The following ADSS1 variants were observed in gnomAD, a reference collection of about 807,000 sequenced individuals.
ADSS1 encodes the protein adenylosuccinate synthase 1, also known as adenylosuccinate synthetase isozyme 1.
Under a neutral mutation model 59.1 loss-of-function variants are expected in ADSS1, and 57 were observed. That is an observed-to-expected ratio of 0.97 (90% CI 0.78 to 1.20). The LOEUF is 1.20. Ranked by LOEUF, ADSS1 falls within the 50% of genes most tolerant of loss-of-function variation. The pLI is 0.00. For missense variants in ADSS1, 603 were observed against 610.3 expected (o/e 0.99, Z 0.13); for synonymous variants, 247 against 249.4 (o/e 0.99, Z 0.09).
chr14:104,746,410 C>A (rs763290606), intron 12 of ADSS1, 25 bp downstream of exon 12: 10 of 1,603,124 alleles, frequency 6.2e-6, no homozygotes, highest in East Asian at 2.2e-5. Flanking sequence ...TCCCCAGCCA[C>A]CCTCCCTGCA....
At chr14:104,724,547 C>G in intron 1 of ADSS1, 85 bp downstream of exon 1, 1 of 1,228,866 alleles carries the variant, frequency 8.1e-7, no homozygotes, top group Non-Finnish European at 1.0e-6. Flanking sequence ...CTCCCATGCC[C>G]TGGCCGGTCA....
chr14:104,746,938 TC>T lies in ADSS1; in HGVS notation c.1322-12del, dbSNP rs746062998. 1 of 1,614,108 alleles carries T rather than the reference TC, an allele frequency of 6.2e-7. No individual in the cohort carries two copies. Among genetic ancestry groups the T allele is most frequent in the Non-Finnish European group, 8.5e-7 (1 of 1,179,936 alleles). ...TCCAGTGTGTATCATAACAGTCTTT[TC>T]TGCTCTCTCAGTCAAATGGGTTGGT... On this transcript the variant is annotated splice_polypyrimidine_tract_variant and intron_variant, in intron 12 of 12. Transcript: ENST00000330877.
Position 104,744,806 on chromosome 14 carries a change from C to G in ADSS1, c.1074-6C>G, listed in dbSNP as rs780116723. On this transcript the variant is annotated splice_region_variant and splice_polypyrimidine_tract_variant and intron_variant, in intron 10 of 12. Transcript: ENST00000330877. ...TGGGTTTGCCCGGCCCCTTGGCTTT[C>G]CACAGGCTGGCCCTGACGAAGCTGG... The G allele has an allele frequency of 1.2e-6, 2 of 1,614,114 alleles. No homozygotes were observed. Among genetic ancestry groups the G allele is most frequent in the Non-Finnish European group, 8.5e-7 (1 of 1,180,006 alleles).
chr14:104,741,321 C>A, intron 8 of ADSS1, 78 bp downstream of exon 8: 9 of 1,492,618 alleles, frequency 6.0e-6, no homozygotes, highest in Non-Finnish European at 8.0e-6. Context: ...GCCGTGGGAA[C>A]CGATGGGGGA....
intron 10 of ADSS1, among the ~76,000 whole-genome samples, chr14:104,744,158 C>G (rs887530082): frequency 6.6e-6 from 1 of 152,030 alleles, no homozygotes; most frequent in Non-Finnish European, 1.5e-5. Context: ...CAGTGCTGGG[C>G]CCTAAACACG....
chr14:104,739,321 C>A lies in ADSS1; in HGVS notation c.359-7C>A. ...CACTGACCCACCTGTGTGCCGTGTC[C>A]CCGCAGGCCTGAAGGACTGGGAGAA... On this transcript the variant is annotated splice_polypyrimidine_tract_variant and splice_region_variant and intron_variant, in intron 3 of 12. Coordinates refer to ENST00000330877, the MANE Select transcript of ADSS1 (RefSeq NM_152328.5). 1 of 1,607,264 alleles carries A rather than the reference C, an allele frequency of 6.2e-7. No individual in the cohort carries two copies. The highest frequency in any genetic ancestry group is 2.2e-5 in the East Asian group (1 of 44,660).
In ADSS1 at chr14:104,740,782, G is replaced by A; in HGVS notation, c.585-57G>A. On this transcript the variant is annotated intron_variant, in intron 6 of 12. Transcript: ENST00000330877. This position sits in a 1 kb window ranked among gnomAD's most constrained non-coding sequence, Gnocchi z 4.8. ...GAAGGGACTGTGGCTAGTGGGGAGG[G>A]CCCTGAGGACCAGCATGGACCATGA... The A allele has an allele frequency of 6.2e-7, 1 of 1,612,414 alleles. No individual in the cohort carries two copies. The highest frequency in any genetic ancestry group is 1.1e-5 in the South Asian group (1 of 91,054).
chr14:104,732,236 G>A (rs531797849), intron 1 of ADSS1, among the ~76,000 whole-genome samples: 7 of 152,188 alleles, frequency 4.6e-5, no homozygotes, highest in Non-Finnish European at 8.8e-5. Context: ...CCAGCCTGAC[G>A]GTACCAGTTT....
In ADSS1 at chr14:104,735,109, C is replaced by G; in HGVS notation, c.282C>G (p.Ala94=). The G allele has an allele frequency of 2.5e-6, 4 of 1,610,720 alleles. No homozygotes were observed. The highest frequency in any genetic ancestry group is 3.4e-6 in the Non-Finnish European group (4 of 1,178,024). The part of the protein sequence containing the change: ...LLPSGIINTK[A]VSFIGNGVVI... ...CCAGCGGCATCATCAACACCAAGGC[C>G]GTGTCCTTCATTGGTGAGTGCCCTG... The change falls in exon 2 of 13, where the codon GCC becomes GCG. Residue 94 remains alanine (A), a synonymous_variant. Transcript: ENST00000330877.
At position 104,724,458 on chromosome 14, in the gene ADSS1, GCC is replaced by G; in HGVS notation, c.189_190del (p.Cys63Ter). 1 of 1,248,492 alleles carries G rather than the reference GCC, an allele frequency of 8.0e-7. No individual in the cohort carries two copies. The highest frequency in any genetic ancestry group is 4.1e-5 in the Admixed American group (1 of 24,620). The allele number at this position is 1,248,492 out of a possible 1,614,324, so 77.3% of individuals were successfully genotyped here. A position where few individuals can be genotyped will look rare whatever the true frequency, so the allele number is the denominator to read the frequency against. ...ACGGACGCCGACATCATCAGCCGCT[GCC>G]AGGTGCGGGCTGGGGCGCCGGGTCC... On this transcript the variant is annotated stop_gained and frameshift_variant and splice_region_variant, in exon 1 of 13. Coordinates refer to ENST00000330877, the MANE Select transcript of ADSS1 (RefSeq NM_152328.5). LOFTEE classifies it high-confidence loss of function.
At chr14:104,733,766 G>A (rs912752960) in intron 1 of ADSS1, among the ~76,000 whole-genome samples, 1 of 152,210 alleles carries the variant, frequency 6.6e-6, no homozygotes, top group African/African-American at 2.4e-5. Flanking sequence ...CCCCAAAAGG[G>A]AAGTAGTGAA....
Position 104,743,085 on chromosome 14 carries a change from C to T in ADSS1, c.967C>T (p.Gln323Ter), listed in dbSNP as rs756832498. ...EQINEIGGLL[Q>*]TRGHEWGVTT... ...CATGTAGGAGATTGGAGGCCTGCTG[C>T]AGACCCGCGGCCACGAGTGGGGAGT... Residue 323 changes from glutamine (Q) to a stop codon, truncating the protein, a stop_gained, in exon 10 of 13, where the codon CAG becomes TAG. Transcript: ENST00000330877. LOFTEE classifies it high-confidence loss of function. The T allele has an allele frequency of 3.8e-5, 62 of 1,612,938 alleles. No individual in the cohort carries two copies. The highest frequency in any genetic ancestry group is 2.2e-5 in the Non-Finnish European group (26 of 1,180,008).
At chr14:104,729,411 T>C (rs1291926325) in intron 1 of ADSS1, among the ~76,000 whole-genome samples, 1 of 151,862 alleles carries the variant, frequency 6.6e-6, no homozygotes, top group Admixed American at 6.6e-5. Context: ...ATCTGGGCAG[T>C]GTGGAGGTGA....
chr14:104,743,023 G>T (rs1223635523), intron 9 of ADSS1, 44 bp from the exon 10 acceptor site: 2 of 1,607,926 alleles, frequency 1.2e-6, no homozygotes, highest in Non-Finnish European at 1.7e-6. Flanking sequence ...GCTGCACAAG[G>T]CTCCCACGAC....
chr14:104,730,017 G>C, intron 1 of ADSS1: 1 of 1,592,496 alleles, frequency 6.3e-7, no homozygotes, highest in East Asian at 2.3e-5. Flanking sequence ...CTGCCTCCAA[G>C]GAGTCTCCAG....
intron 1 of ADSS1, among the ~76,000 whole-genome samples, chr14:104,725,354 C>A (rs1890689203): frequency 6.6e-6 from 1 of 152,206 alleles, no homozygotes; most frequent in Admixed American, 6.5e-5. Context: ...CTTTGGGATG[C>A]ACGCGTCTGG....
At chr14:104,726,551 T>C (rs1452646609) in intron 1 of ADSS1, among the ~76,000 whole-genome samples, 1 of 152,200 alleles carries the variant, frequency 6.6e-6, no homozygotes, top group Non-Finnish European at 1.5e-5. Context: ...CCCCTGTTCT[T>C]GTGCACACCA....
At chr14:104,732,975 TC>T (rs1385967991) in intron 1 of ADSS1, among the ~76,000 whole-genome samples, 1 of 151,984 alleles carries the variant, frequency 6.6e-6, no homozygotes, top group African/African-American at 2.4e-5. Context: ...GCCTGCCCCG[TC>T]CCGATGGACT....
At chr14:104,737,631 G>C (rs1239526291) in intron 2 of ADSS1, 1 of 152,530 alleles carries the variant, frequency 6.6e-6, no homozygotes, top group African/African-American at 2.4e-5. Context: ...TCCACCTCCA[G>C]AACTTTCTTA....
Sources: gnomAD v4.1 joint callset for allele counts (sites outside exome capture counted in the v4.1 genomes callset) on GRCh38, gnomAD v4.1.1 for gene constraint, Gnocchi (gnomAD v3.1) non-coding constraint, MANE v1.5 for transcripts, NCBI Gene and HGNC (gene_info 2026-07-23, HGNC 2026-07-21) for gene names.